The following MKLN1 variants were observed in gnomAD, a reference collection of about 807,000 sequenced individuals.
MKLN1 encodes muskelin.
Under a neutral mutation model 99.0 loss-of-function variants are expected in MKLN1, and 18 were observed. The observed-to-expected ratio is 0.18, with a 90% CI of 0.13 to 0.27. The LOEUF is 0.27. Among genes scored for constraint, MKLN1 ranks in the 10% least tolerant of loss-of-function variants. The probability of loss-of-function intolerance (pLI) is 1.00; values close to 1 mark genes in which losing one functional copy is unlikely to be tolerated. For missense variants in MKLN1, 621 were observed against 875.9 expected (o/e 0.71, Z 3.67); for synonymous variants, 288 against 293.2 (o/e 0.98, Z 0.18).
At chr7:131,177,479 A>G (rs1024968488) in intron 2 of MKLN1, among the ~76,000 whole-genome samples, 6 of 152,052 alleles carry the variant, frequency 3.9e-5, no homozygotes, top group Non-Finnish European at 8.8e-5. Flanking sequence ...AAAAAAAAAA[A>G]AAAAAAGATT....
intron 3 of MKLN1, among the ~76,000 whole-genome samples, chr7:131,216,574 A>G (rs933866715): frequency 3.3e-5 from 5 of 152,220 alleles, no homozygotes; most frequent in African/African-American, 1.2e-4. Context: ...TTGACCAGAA[A>G]TCATAATTTC....
intron 1 of MKLN1, among the ~76,000 whole-genome samples, chr7:131,114,905 C>T (rs1052458297): frequency 5.3e-5 from 8 of 151,204 alleles, no homozygotes; most frequent in Middle Eastern, 3.4e-3. Flanking sequence ...AACTGCACTC[C>T]AGCCTGGGCA....
At chr7:131,342,649 CAT>C (rs1799442421) in intron 1 of MKLN1, among the ~76,000 whole-genome samples, 1 of 152,140 alleles carries the variant, frequency 6.6e-6, no homozygotes, top group Non-Finnish European at 1.5e-5. Context: ...AAGTGAGAGA[CAT>C]AGATTTTTGA....
chr7:131,425,759 G>C (rs1260899934), intron 8 of MKLN1, among the ~76,000 whole-genome samples: 1 of 152,020 alleles, frequency 6.6e-6, no homozygotes, highest in Non-Finnish European at 1.5e-5. Context: ...GCATGAGAAT[G>C]GGCTTCCATA....
intron 15 of MKLN1, among the ~76,000 whole-genome samples, chr7:131,468,746 A>G (rs1161128522): frequency 6.6e-6 from 1 of 152,194 alleles, no homozygotes; most frequent in African/African-American, 2.4e-5. Flanking sequence ...TAGGCTGCAG[A>G]CACAAGTCTG....
intron 1 of MKLN1, among the ~76,000 whole-genome samples, chr7:131,334,953 T>C (rs1179287715): frequency 6.6e-6 from 1 of 152,188 alleles, no homozygotes; most frequent in African/African-American, 2.4e-5. Context: ...AGAAAATTTA[T>C]AAAATTTCTA....
upstream of MKLN1, chr7:131,323,599 A>T (rs1798827675): frequency 6.6e-6 from 1 of 152,216 alleles, no homozygotes; most frequent in Non-Finnish European, 1.5e-5. Context: ...GTACCCCATA[A>T]ATCATATATG....
At chr7:131,329,658 G>T (rs151312030) in intron 1 of MKLN1, among the ~76,000 whole-genome samples, 19 of 152,226 alleles carry the variant, frequency 1.2e-4, no homozygotes, top group African/African-American at 4.6e-4. Flanking sequence ...CCTGAGGCTT[G>T]GATAACACAA....
intron 1 of MKLN1, among the ~76,000 whole-genome samples, chr7:131,121,583 G>A (rs1795370748): frequency 7.2e-6 from 1 of 138,052 alleles, no homozygotes; most frequent in African/African-American, 2.7e-5. Flanking sequence ...AGCTTGCAGT[G>A]AGCCGAGATC....
At position 131,443,513 on chromosome 7, in the gene MKLN1, C is replaced by T. The variant is rs1293984785; in HGVS notation, c.1206C>T (p.Tyr402=). The T allele has an allele frequency of 1.2e-6, 2 of 1,613,648 alleles. No individual in the cohort carries two copies. The highest frequency in any genetic ancestry group is 1.7e-6 in the Non-Finnish European group (2 of 1,179,692). Residue 402 remains tyrosine, a synonymous_variant, in exon 11 of 18, where the codon TAC becomes TAT. Coordinates refer to ENST00000352689, the MANE Select transcript of MKLN1 (RefSeq NM_013255.5). ...TGGACTCAGAAAAACATATGATCTA[C>T]ACTTTTGGTGGTAGAATTTTGACTT... is the stretch of plus-strand genomic sequence containing the variant. ...MCMDSEKHMI[Y]TFGGRILTCN...
At chr7:131,461,913 A>G (rs1200725756) in intron 12 of MKLN1, among the ~76,000 whole-genome samples, 1 of 152,206 alleles carries the variant, frequency 6.6e-6, no homozygotes, top group Non-Finnish European at 1.5e-5. Context: ...TTATTGGGTA[A>G]TGCAAAGTGA....
At chr7:131,463,405 T>G (rs569877795) in intron 13 of MKLN1, 41 bp downstream of exon 13, 16 of 1,562,310 alleles carry the variant, frequency 1.0e-5, no homozygotes, top group Non-Finnish European at 1.4e-5. Flanking sequence ...AATGTAATAA[T>G]TATTTGAGGT....
chr7:131,271,818 A>G lies in MKLN1; in HGVS notation c.-179+68844A>G, dbSNP rs147625122. 5.0e-3 allele frequency among the ~76,000 whole-genome samples: 756 copies of G among 152,016 alleles called. 6 individuals are homozygous for G. Among genetic ancestry groups the G allele is most frequent in the African/African-American group, 0.016 (645 of 41,446 alleles). Reference sequence around the variant, plus strand: ...CAGCTACTCAGGAGGCTGAGGCAGGAGAATCACTTGAACCCAGGAGGCAGA... The same window carrying G: ...CAGCTACTCAGGAGGCTGAGGCAGGGGAATCACTTGAACCCAGGAGGCAGA... On this transcript the variant is annotated intron_variant, in intron 3 of 7. Transcript: ENST00000416992.
At chr7:131,436,135 A>T (rs1795669823) in intron 9 of MKLN1, among the ~76,000 whole-genome samples, 2 of 152,210 alleles carry the variant, frequency 1.3e-5, no homozygotes, top group African/African-American at 2.4e-5. Flanking sequence ...AAAATATTTT[A>T]AAATAAGTTT....
intron 3 of MKLN1, among the ~76,000 whole-genome samples, chr7:131,207,980 C>T (rs755279169): frequency 1.3e-5 from 2 of 152,164 alleles, no homozygotes; most frequent in East Asian, 3.9e-4. Context: ...TAGGTTTCCC[C>T]CTTCTTAAAG....
chr7:131,154,170 T>G (rs1795931449), intron 2 of MKLN1, among the ~76,000 whole-genome samples: 1 of 152,054 alleles, frequency 6.6e-6, no homozygotes. Context: ...AATAGGAGGA[T>G]TCACATCACA....
chr7:131,159,791 T>TG (rs1563235259), intron 2 of MKLN1, among the ~76,000 whole-genome samples: 2 of 152,072 alleles, frequency 1.3e-5, no homozygotes, highest in Non-Finnish European at 1.5e-5. Flanking sequence ...AACATTATAA[T>TG]GGGAAAAAAA....
At chr7:131,446,371 A>G (rs1044142055) in intron 12 of MKLN1, among the ~76,000 whole-genome samples, 4 of 152,332 alleles carry the variant, frequency 2.6e-5, no homozygotes, top group African/African-American at 7.2e-5. Context: ...TGCTTAGATT[A>G]TGCATATTGC....
At chr7:131,263,327 G>A (rs1359162301) in intron 3 of MKLN1, among the ~76,000 whole-genome samples, 1 of 113,672 alleles carries the variant, frequency 8.8e-6, no homozygotes, top group Non-Finnish European at 2.0e-5. Flanking sequence ...AATATAGTGA[G>A]ACCTCATCTC....
Sources: gnomAD v4.1 joint callset for allele counts (sites outside exome capture counted in the v4.1 genomes callset) on GRCh38, gnomAD v4.1.1 for gene constraint, MANE v1.5 for transcripts, NCBI Gene and HGNC (gene_info 2026-07-23, HGNC 2026-07-21) for gene names.